The following TMEM63C variants were observed in gnomAD, a reference collection of about 807,000 sequenced individuals.
TMEM63C encodes osmosensitive cation channel TMEM63C.
In TMEM63C, 32 loss-of-function variants were observed where a neutral mutation model predicts 99.2. The observed-to-expected ratio is 0.32, with a 90% confidence interval of 0.24 to 0.43. The LOEUF is 0.43. TMEM63C is among the 20% of genes least tolerant of loss of function. TMEM63C has a pLI of 1.00. For synonymous variants in TMEM63C, 376 were observed against 397.9 expected (o/e 0.94, Z 0.66); for missense variants, 826 against 1,053.0 (o/e 0.78, Z 2.98).
In TMEM63C at chr14:77,257,051, G is replaced by T; in HGVS notation, c.*325G>T. 3.6e-6 allele frequency: 1 copy of T among 281,466 alleles called. No homozygotes were observed. Among genetic ancestry groups the T allele is most frequent in the South Asian group, 6.2e-5 (1 of 16,112 alleles). 17.4% of individuals were successfully genotyped at this position (281,466 alleles called of 1,614,324 possible). A position where few individuals can be genotyped will look rare whatever the true frequency, so the allele number is the denominator to read the frequency against. ...TTCCTGGGACCAAGATGGAGAAGGT[G>T]TTCCTAAGGGAGGAGACAGAAGGAG... On this transcript the variant is annotated 3_prime_UTR_variant, in exon 24 of 24. Coordinates refer to ENST00000298351, the MANE Select transcript of TMEM63C (RefSeq NM_020431.4).
chr14:77,233,102 G>C (rs529738969), intron 7 of TMEM63C, among the ~76,000 whole-genome samples: 15 of 152,332 alleles, frequency 9.8e-5, no homozygotes, highest in African/African-American at 3.6e-4. Context: ...TTTTCTGGAC[G>C]TTGCCAGTGG....
At chr14:77,221,426 T>C (rs1412165292) in intron 5 of TMEM63C, among the ~76,000 whole-genome samples, 1 of 15,332 alleles carries the variant, frequency 6.5e-5, no homozygotes, top group Admixed American at 7.0e-4. Flanking sequence ...CACTCACGCC[T>C]CCCCTCCCCA....
chr14:77,200,027 G>A (rs1362920996), intron 1 of TMEM63C, among the ~76,000 whole-genome samples: 2 of 152,220 alleles, frequency 1.3e-5, no homozygotes, highest in African/African-American at 2.4e-5. Context: ...TCTTCCCCCA[G>A]AAATAGCTAG....
At chr14:77,236,456 A>G in intron 8 of TMEM63C, among the ~76,000 whole-genome samples, 168 bp from the exon 9 acceptor site, 1 of 57,928 alleles carries the variant, frequency 1.7e-5, no homozygotes, top group African/African-American at 8.6e-5. Context: ...GGATACTGTA[A>G]TGGGTTGGGG....
rs755968865 is a variant in TMEM63C, at chr14:77,256,762, G to A, written c.*36G>A. ...AGGCCTCCACTGGCGACTTGTTGAG[G>A]GGTCAGGGGAGGGCCTGGCAAGGGG... On this transcript the variant is annotated 3_prime_UTR_variant, in exon 24 of 24. Transcript: ENST00000298351. The A allele has an allele frequency of 2.9e-5, 46 of 1,601,758 alleles. No homozygotes were observed. The South Asian group carries it at 4.1e-4, about 14-fold the overall frequency.
rs554706228 is a variant in TMEM63C, at chr14:77,219,604, C to T, written c.230+27C>T. On this transcript the variant is annotated intron_variant, in intron 4 of 23. Transcript: ENST00000298351. ...TGAGGAGGGGTCGAGATGGGTGAGC[C>T]GTTGCCCCCTTGGGGAAAACCTGTT... 55 of 1,611,720 alleles carry T rather than the reference C, an allele frequency of 3.4e-5. No individual in the cohort carries two copies. In the East Asian group the frequency reaches 6.9e-4, roughly 20 times the overall value.
chr14:77,202,714 A>G (rs943195531), intron 1 of TMEM63C, among the ~76,000 whole-genome samples: 1 of 152,108 alleles, frequency 6.6e-6, no homozygotes, highest in African/African-American at 2.4e-5. Flanking sequence ...TCTATTTCCA[A>G]ACAAGGTCAC....
intron 4 of TMEM63C, 107 bp from the exon 5 acceptor site, chr14:77,219,899 G>A: frequency 9.6e-7 from 1 of 1,040,862 alleles, no homozygotes; most frequent in East Asian, 2.6e-5. Context: ...GCCTGCCCGT[G>A]GCAGAGCAGA....
intron 2 of TMEM63C, among the ~76,000 whole-genome samples, chr14:77,215,091 C>T (rs1404103848): frequency 6.6e-6 from 1 of 152,190 alleles, no homozygotes; most frequent in African/African-American, 2.4e-5. Context: ...CAGGTGAATC[C>T]AGCACAGCAA....
intron 1 of TMEM63C, among the ~76,000 whole-genome samples, chr14:77,186,521 T>C (rs1455288102): frequency 6.6e-6 from 1 of 151,918 alleles, no homozygotes; most frequent in Non-Finnish European, 1.5e-5. Context: ...CTGGGCAACA[T>C]AGAAAGACCT....
At chr14:77,228,783 C>T (rs923707778) in intron 6 of TMEM63C, among the ~76,000 whole-genome samples, 2 of 152,068 alleles carry the variant, frequency 1.3e-5, no homozygotes, top group African/African-American at 4.8e-5. Flanking sequence ...GTGATCTGCC[C>T]ATCTTGGCCC....
At position 77,194,360 on chromosome 14, in the gene TMEM63C, GTGTGTGTGTGTGTGTGTGTGTGTA is replaced by G. The variant is rs1888166860; in HGVS notation, c.-77+12470_-77+12493del. Among the ~76,000 whole-genome samples, 8 of 151,042 alleles carry G rather than the reference GTGTGTGTGTGTGTGTGTGTGTGTA, an allele frequency of 5.3e-5. No individual in the cohort carries two copies. In the South Asian group the frequency reaches 1.1e-3, roughly 20 times the overall value. ...TATGTGTGTGTGTGTGTGTGTGTGT[GTGTGTGTGTGTGTGTGTGTGTGTA>G]TGTTCATATTTCTGAAAAAAATTCT... On this transcript the variant is annotated intron_variant, in intron 1 of 23. Coordinates refer to ENST00000298351, the MANE Select transcript of TMEM63C (RefSeq NM_020431.4).
At chr14:77,251,920 C>A in intron 22 of TMEM63C, 22 bp downstream of exon 22, 1 of 1,573,400 alleles carries the variant, frequency 6.4e-7, no homozygotes, top group Non-Finnish European at 8.7e-7. Context: ...GCCTGCCCCT[C>A]CTCCTGGTTC....
At position 77,218,957 on chromosome 14, in the gene TMEM63C, G is replaced by A. The variant is rs1888641739; in HGVS notation, c.144G>A (p.Leu48=). ...CCGTGCTGTGCCTCAACATCGCCCT[G>A]TGGGTGGTGAGTCCTGGGCACTGCA... ...VPTVLCLNIA[L]WVLVLVVYSF... Residue 48 remains leucine (L), a synonymous_variant, in exon 3 of 24, where the codon CTG becomes CTA. Coordinates refer to ENST00000298351, the MANE Select transcript of TMEM63C (RefSeq NM_020431.4). 6.3e-7 allele frequency: 1 copy of A among 1,588,364 alleles called. No individual in the cohort carries two copies. Among genetic ancestry groups the A allele is most frequent in the Non-Finnish European group, 8.6e-7 (1 of 1,167,064 alleles).
rs189871056 is a variant in TMEM63C, at chr14:77,225,590, C to T, written c.350+129C>T. 597 of 875,530 alleles carry T rather than the reference C, an allele frequency of 6.8e-4. 4 individuals are homozygous for T. In the African/African-American group the frequency reaches 9.3e-3, roughly 14 times the overall value. 54.2% of individuals were successfully genotyped at this position (875,530 alleles called of 1,614,324 possible). A position where few individuals can be genotyped will look rare whatever the true frequency, so the allele number is the denominator to read the frequency against. ...GAGCTCCGTATCCTCCCCGCCACCT[C>T]GGCCCATTACCAGTGAAGGATGCTT... On this transcript the variant is annotated intron_variant, in intron 6 of 23. Coordinates refer to ENST00000298351, the MANE Select transcript of TMEM63C (RefSeq NM_020431.4).
In TMEM63C at chr14:77,251,878, C is replaced by T. The variant is rs368317526; in HGVS notation, c.2128C>T (p.Arg710Trp). Residue 710 changes from arginine (R) to tryptophan (W), a missense_variant, in exon 22 of 24, where the codon CGG becomes TGG. By Grantham distance (101) the Arg-to-Trp change is moderately radical. Transcript: ENST00000298351. ...TGTTGGCATTTTTCTGGGGAAGCTT[C>T]GGATGGTTGCCGACTACGAGGTGAG... ...AFVGIFLGKLRMVADYEPEEE... is the reference protein window; with the variant it reads ...AFVGIFLGKLWMVADYEPEEE... 222 of 1,613,882 alleles carry T rather than the reference C, an allele frequency of 1.4e-4. 1 individual carries two copies. The highest frequency in any genetic ancestry group is 1.0e-3 in the African/African-American group (76 of 75,042).
intron 1 of TMEM63C, among the ~76,000 whole-genome samples, chr14:77,211,092 G>T (rs1888489615): frequency 6.6e-6 from 1 of 152,226 alleles, no homozygotes. Flanking sequence ...TCCTGGCTCA[G>T]CCCACTCTGC....
At chr14:77,240,398 A>T in intron 12 of TMEM63C, 77 bp from the exon 13 acceptor site, 2 of 1,494,260 alleles carry the variant, frequency 1.3e-6, no homozygotes, top group Non-Finnish European at 1.8e-6. Flanking sequence ...GGGAGGCTTG[A>T]GTGGGGAGGA....
intron 23 of TMEM63C, among the ~76,000 whole-genome samples, chr14:77,254,746 T>G (rs1268855842): frequency 1.3e-5 from 2 of 152,186 alleles, no homozygotes; most frequent in Admixed American, 1.3e-4. Context: ...AAAACACGAC[T>G]AGGATTTATT....
Sources: allele counts gnomAD v4.1 joint callset (sites outside exome capture counted in the v4.1 genomes callset), GRCh38; gene constraint gnomAD v4.1.1; transcripts MANE v1.5; gene names NCBI Gene and HGNC (gene_info 2026-07-23, HGNC 2026-07-21).